The following SUV39H1 variants were observed in gnomAD, a reference collection of about 807,000 sequenced individuals.
SUV39H1 encodes the protein SUV39H1 histone lysine methyltransferase.
For missense variants in SUV39H1, 180 were observed against 386.3 expected (o/e 0.47, Z 4.48); for synonymous variants, 141 against 150.5 (o/e 0.94, Z 0.46).
At chrX:48,706,200 G>T in intron 3 of SUV39H1, 65 bp from the exon 4 acceptor site, 1 of 1,162,806 alleles carries the variant, frequency 8.6e-7, no homozygotes, top group Non-Finnish European at 1.1e-6. Context: ...TCAGAAGTCA[G>T]GAGCAGTGCC....
chrX:48,707,111 C>T (rs1230166120), intron 5 of SUV39H1, among the ~76,000 whole-genome samples: 5 of 108,588 alleles, frequency 4.6e-5, no homozygotes, highest in African/African-American at 1.3e-4. Context: ...CTGCCCCTGC[C>T]CCCCCCCACA....
intron 2 of SUV39H1, 165 bp downstream of exon 2, chrX:48,699,212 G>T (rs782087959): frequency 6.2e-6 from 3 of 487,156 alleles, no homozygotes; most frequent in Admixed American, 9.9e-5. Flanking sequence ...TACAGATAGG[G>T]AAACTAAGTA....
At chrX:48,698,098 T>TTTA (rs1320257596) in intron 1 of SUV39H1, among the ~76,000 whole-genome samples, 3 of 112,378 alleles carry the variant, frequency 2.7e-5, no homozygotes, top group Non-Finnish European at 5.6e-5. Context: ...TGTAATGTAG[T>TTTA]ATCATTCCAC....
At chrX:48,700,058 C>T (rs782795256) in intron 2 of SUV39H1, 33 bp from the exon 3 acceptor site, 8 of 1,108,177 alleles carry the variant, frequency 7.2e-6, no homozygotes, top group Admixed American at 2.7e-5. Context: ...TCACTACTTA[C>T]GGTACCCCCG....
intron 1 of SUV39H1, 123 bp downstream of exon 1, chrX:48,696,926 G>A: frequency 2.1e-6 from 1 of 481,066 alleles, no homozygotes; most frequent in Non-Finnish European, 2.9e-6. Flanking sequence ...AGCTCGGCGC[G>A]GAAAGGATGA....
Position 48,707,698 on chromosome X carries a change from A to T in SUV39H1, c.*128A>T. 3.5e-6 allele frequency: 3 copies of T among 857,675 alleles called. No individual in the cohort carries two copies. Among genetic ancestry groups the T allele is most frequent in the Non-Finnish European group, 5.0e-6 (3 of 595,103 alleles). The allele number at this position is 857,675 out of a possible 1,213,427, so 70.7% of individuals were successfully genotyped here. ...CCTCCACCTGCCCCCACCTGCTCCT[A>T]CCTGCTCTACGTTCAGGGCTGTGGC... On this transcript the variant is annotated 3_prime_UTR_variant, in exon 6 of 6. Transcript: ENST00000376687.
At chrX:48,695,635 G>C, upstream of SUV39H1, 1 of 1,100,364 alleles carries the variant, frequency 9.1e-7, no homozygotes. Flanking sequence ...CCTGACAGAC[G>C]GTGCGGTCAG....
At chrX:48,703,283 T>C (rs1271639166) in intron 3 of SUV39H1, among the ~76,000 whole-genome samples, 1 of 112,283 alleles carries the variant, frequency 8.9e-6, no homozygotes, top group African/African-American at 3.2e-5. Context: ...TTATCCTACT[T>C]GGGGTAATAG....
At chrX:48,698,236 CTA>C (rs2062462842) in intron 1 of SUV39H1, among the ~76,000 whole-genome samples, 1 of 112,204 alleles carries the variant, frequency 8.9e-6, no homozygotes, top group African/African-American at 3.2e-5. Context: ...TTTTATATCT[CTA>C]TTTCTCCTAT....
rs782450899 is a variant in SUV39H1, at chrX:48,707,675, T to TCCACCTGCCC, written c.*114_*123dup. On this transcript the variant is annotated 3_prime_UTR_variant, in exon 6 of 6. Coordinates refer to ENST00000376687, the MANE Select transcript of SUV39H1 (RefSeq NM_003173.4). ...AATGACTGCCAGGGCCTCGCCTGCC[T>TCCACCTGCCC]CCACCTGCCCCCACCTGCTCCTACC... 26 of 1,025,307 alleles carry TCCACCTGCCC rather than the reference T, an allele frequency of 2.5e-5. No individual in the cohort carries two copies. In the East Asian group the frequency reaches 7.4e-4, roughly 29 times the overall value. 84.5% of individuals were successfully genotyped at this position (1,025,307 alleles called of 1,213,427 possible).
Position 48,708,003 on chromosome X carries a change from G to T in SUV39H1, c.*433G>T, listed in dbSNP as rs956195258. The T allele has an allele frequency of 8.3e-5, 20 of 240,449 alleles. No homozygotes were observed. Among genetic ancestry groups the T allele is most frequent in the Non-Finnish European group, 1.6e-4 (20 of 128,710 alleles). The allele number at this position is 240,449 out of a possible 1,213,427, so 19.8% of individuals were successfully genotyped here. On this transcript the variant is annotated 3_prime_UTR_variant, in exon 6 of 6. Coordinates refer to ENST00000376687, the MANE Select transcript of SUV39H1 (RefSeq NM_003173.4). ...TGGGGAAGCAACCCCAGAGCAGGCA[G>T]ACATCAGAGGCCAGAGTGCCTAGCC... is the stretch of plus-strand genomic sequence containing the variant.
intron 1 of SUV39H1, among the ~76,000 whole-genome samples, chrX:48,697,562 G>C (rs1602183773): frequency 1.8e-5 from 2 of 111,566 alleles, no homozygotes; most frequent in East Asian, 5.6e-4. Flanking sequence ...ACAGGCTGTA[G>C]GGAGAGGAAA....
intron 3 of SUV39H1, among the ~76,000 whole-genome samples, chrX:48,702,744 A>G (rs1557009584): frequency 9.1e-6 from 1 of 110,153 alleles, no homozygotes; most frequent in Non-Finnish European, 1.9e-5. Context: ...AGTGTCTTTA[A>G]TCCTCCCAGG....
chrX:48,702,555 A>G (rs1431459321), intron 3 of SUV39H1, among the ~76,000 whole-genome samples: 1 of 110,975 alleles, frequency 9.0e-6, no homozygotes, highest in Non-Finnish European at 1.9e-5. Context: ...GGACCCAGAC[A>G]GTCCACCGTC....
chrX:48,696,483 T>C, upstream of SUV39H1: 1 of 251,742 alleles, frequency 4.0e-6, no homozygotes, highest in Non-Finnish European at 7.1e-6. Context: ...GATAACGTGA[T>C]TGGCTAGCAG....
chrX:48,700,247 C>G lies in SUV39H1; in HGVS notation c.322C>G (p.Arg108Gly). ...LRRHHRSKTPRHLDPSLANYL... is the reference protein window; with the variant it reads ...LRRHHRSKTPGHLDPSLANYL... Reference sequence around the variant, plus strand: ...GCGGCACCACCGGTCAAAGACCCCCCGGCACCTGGACCCAAGCTTGGCCAA... The same window carrying G: ...GCGGCACCACCGGTCAAAGACCCCCGGGCACCTGGACCCAAGCTTGGCCAA... Residue 108 changes from arginine (R) to glycine (G), a missense_variant, in exon 3 of 6, where the codon CGG (arginine) becomes GGG (glycine). By Grantham distance (125) the Arg-to-Gly change is moderately radical (BLOSUM62 -2). Coordinates refer to ENST00000376687, the MANE Select transcript of SUV39H1 (RefSeq NM_003173.4). 1 of 1,207,279 alleles carries G rather than the reference C, an allele frequency of 8.3e-7. No individual in the cohort carries two copies. Among genetic ancestry groups the G allele is most frequent in the Non-Finnish European group, 1.1e-6 (1 of 893,216 alleles).
chrX:48,695,604 G>A, upstream of SUV39H1: 1 of 1,084,431 alleles, frequency 9.2e-7, no homozygotes, highest in Non-Finnish European at 1.2e-6. Flanking sequence ...GGCCTGGCTG[G>A]GTGCTCTGAC....
chrX:48,697,409 G>A (rs1254654434), intron 1 of SUV39H1, among the ~76,000 whole-genome samples: 4 of 111,971 alleles, frequency 3.6e-5, no homozygotes, highest in African/African-American at 1.3e-4. Flanking sequence ...GCCGCAGGGA[G>A]GATGGGTTCC....
Position 48,700,309 on chromosome X carries a change from C to T in SUV39H1, c.384C>T (p.Leu128=). Residue 128 remains leucine (L), a synonymous_variant, in exon 3 of 6, where the codon CTC becomes CTT. Coordinates refer to ENST00000376687, the MANE Select transcript of SUV39H1 (RefSeq NM_003173.4). ...LVQKAKQRRA[L]RRWEQELNAK... ...AGAAGGCCAAGCAGAGGCGGGCGCTCCGTCGCTGGGAGCAGGAGCTCAATG... is the reference window on the plus strand; with the variant it reads ...AGAAGGCCAAGCAGAGGCGGGCGCTTCGTCGCTGGGAGCAGGAGCTCAATG... 8.3e-7 allele frequency: 1 copy of T among 1,210,317 alleles called. No homozygotes were observed. The highest frequency in any genetic ancestry group is 1.1e-6 in the Non-Finnish European group (1 of 894,621).
Sources: gnomAD v4.1 joint callset for allele counts (sites outside exome capture counted in the v4.1 genomes callset) on GRCh38, gnomAD v4.1.1 for gene constraint, MANE v1.5 for transcripts, NCBI Gene and HGNC (gene_info 2026-07-23, HGNC 2026-07-21) for gene names.